ARHGAP21: variants seen among roughly 807,000 people sequenced by gnomAD.
ARHGAP21 encodes the protein Rho GTPase activating protein 21, also known as rho GTPase-activating protein 21.
A neutral mutation model predicts 164.6 loss-of-function variants in ARHGAP21; 38 were observed. That is an observed-to-expected ratio of 0.23 (90% confidence interval 0.18 to 0.30). ARHGAP21 has a LOEUF of 0.30. Among genes scored for constraint, ARHGAP21 ranks in the 10% least tolerant of loss-of-function variants. The pLI, the probability that ARHGAP21 is intolerant of heterozygous loss-of-function variation, is 1.00. For missense variants in ARHGAP21, 1,822 were observed against 2,370.7 expected (o/e 0.77, Z 4.81); for synonymous variants, 766 against 857.9 (o/e 0.89, Z 1.87).
Position 24,597,972 on chromosome 10 carries a change from C to T in ARHGAP21, c.3170G>A (p.Arg1057Lys). ...CATCAGATTGTTGTATTCTTTTATT[C>T]TTCGACTAATTAGATCCCTGTTAGT... ...GVTNRDLISR[R>K]IKEYNNLMSK... Residue 1057 changes from arginine to lysine, a missense_variant, in exon 15 of 26, where the codon AGA becomes AAA. By Grantham distance (26) the Arg-to-Lys change is conservative (BLOSUM62 2). Around this residue, in one of 5 missense-constraint regions of ARHGAP21, gnomAD observed 1,090 missense variants for 1,378.9 expected, o/e 0.79. Coordinates refer to ENST00000396432, the MANE Select transcript of ARHGAP21 (RefSeq NM_020824.4). 2 of 1,613,240 alleles carry T rather than the reference C, an allele frequency of 1.2e-6. No individual in the cohort carries two copies. Among genetic ancestry groups the T allele is most frequent in the Non-Finnish European group, 1.7e-6 (2 of 1,179,572 alleles).
chr10:24,616,362 C>A (rs1833949188), intron 9 of ARHGAP21, among the ~76,000 whole-genome samples: 1 of 152,150 alleles, frequency 6.6e-6, no homozygotes, highest in Non-Finnish European at 1.5e-5. Flanking sequence ...TGGCACTGAG[C>A]CCAGAGCTCC....
intron 2 of ARHGAP21, among the ~76,000 whole-genome samples, chr10:24,714,975 A>G (rs1480015951): frequency 6.6e-6 from 1 of 151,712 alleles, no homozygotes; most frequent in Non-Finnish European, 1.5e-5. Flanking sequence ...GCTTTCAGTG[A>G]GCCAAGATCA....
At chr10:24,680,082 C>T (rs1161019499) in intron 2 of ARHGAP21, among the ~76,000 whole-genome samples, 1 of 151,684 alleles carries the variant, frequency 6.6e-6, no homozygotes, top group Non-Finnish European at 1.5e-5. Flanking sequence ...ATAAGTGAAC[C>T]CTTCACACAT....
chr10:24,672,359 C>T lies in ARHGAP21; in HGVS notation c.64-1962G>A, dbSNP rs141205499. 8.9e-3 allele frequency among the ~76,000 whole-genome samples: 1,356 copies of T among 152,286 alleles called. 16 individuals carry two copies. Among genetic ancestry groups the T allele is most frequent in the African/African-American group, 0.031 (1,270 of 41,554 alleles). On this transcript the variant is annotated intron_variant, in intron 2 of 25. Coordinates refer to ENST00000396432, the MANE Select transcript of ARHGAP21 (RefSeq NM_020824.4). ...TCACACTGATTTTTCTTCCAACTCA[C>T]AGGCGACTTTGTCTCAGGCTCCTTT...
In ARHGAP21 at chr10:24,585,781, G is replaced by A. The variant is rs775462639; in HGVS notation, c.4508C>T (p.Pro1503Leu). ...LGKESTPSEE[P>L]SPPHNSKHNK... is the part of the protein sequence containing the mutation. ...GTGTTTTGAGTTGTGTGGTGGTGAG[G>A]GTTCTTCAGAAGGCGTGCTCTCTTT... Residue 1503 changes from proline (P) to leucine (L), a missense_variant, in exon 26 of 26, where the codon CCC becomes CTC. By Grantham distance (98) the Pro-to-Leu change is moderately conservative. Around this residue, in one of 5 missense-constraint regions of ARHGAP21, gnomAD observed 333 missense variants for 383.9 expected, o/e 0.87. Transcript: ENST00000396432. 7.4e-6 allele frequency: 12 copies of A among 1,613,904 alleles called. No homozygotes were observed. The highest frequency in any genetic ancestry group is 1.0e-5 in the Non-Finnish European group (12 of 1,179,874).
rs756586366 is a variant in ARHGAP21, at chr10:24,584,536, G to C, written c.5753C>G (p.Pro1918Arg). The change falls in exon 26 of 26, where the codon CCT becomes CGT. Residue 1918 changes from proline to arginine, a missense_variant. By Grantham distance (103) the Pro-to-Arg change is moderately radical (BLOSUM62 -2). Around this residue, in one of 5 missense-constraint regions of ARHGAP21, gnomAD observed 165 missense variants for 176.6 expected, o/e 0.93. Coordinates refer to ENST00000396432, the MANE Select transcript of ARHGAP21 (RefSeq NM_020824.4). ...GAAGCTTTCTCCGTTTATTTGGTCAGGTGACTGTGGTGGTATGGAAAGAAG... is the reference window on the plus strand; with the variant it reads ...GAAGCTTTCTCCGTTTATTTGGTCACGTGACTGTGGTGGTATGGAAAGAAG... ...RPLLSIPPQS[P>R]DQINGESFQN... 5 of 1,613,860 alleles carry C rather than the reference G, an allele frequency of 3.1e-6. No individual in the cohort carries two copies. Among genetic ancestry groups the C allele is most frequent in the Non-Finnish European group, 3.4e-6 (4 of 1,179,882 alleles).
chr10:24,664,323 G>A (rs149920374), intron 4 of ARHGAP21, among the ~76,000 whole-genome samples: 2 of 152,054 alleles, frequency 1.3e-5, no homozygotes, highest in African/African-American at 4.8e-5. Flanking sequence ...TTGGGAGGCC[G>A]AGGCAGGCGG....
intron 4 of ARHGAP21, among the ~76,000 whole-genome samples, chr10:24,643,480 T>C (rs57812953): frequency 0.03 from 4,559 of 152,304 alleles, 207 homozygotes; most frequent in African/African-American, 0.097. Context: ...CCCTTTAGCC[T>C]TCTCCATTCT....
At chr10:24,701,300 C>T (rs1015543332) in intron 2 of ARHGAP21, among the ~76,000 whole-genome samples, 1 of 152,060 alleles carries the variant, frequency 6.6e-6, no homozygotes, top group Non-Finnish European at 1.5e-5. Flanking sequence ...TTGTCGTTTC[C>T]AGTTCGAAGG....
In ARHGAP21 at chr10:24,589,284, G is replaced by A. The variant is rs1481888716; in HGVS notation, c.4169C>T (p.Ser1390Leu). Residue 1390 changes from serine (S) to leucine (L), a missense_variant, in exon 25 of 26, where the codon TCA becomes TTA. Ser to Leu is a moderately radical substitution (Grantham distance 145). Coordinates refer to ENST00000396432, the MANE Select transcript of ARHGAP21 (RefSeq NM_020824.4). The stretch of plus-strand genomic sequence containing the variant: ...GAAACAATTTACCTTAGATTTTGTT[G>A]AGTCACTAGTAGCTGAATCTGTGAA... ...GDVSDSATSD[S>L]TKSKGSWGSG... 1 of 1,608,384 alleles carries A rather than the reference G, an allele frequency of 6.2e-7. No individual in the cohort carries two copies. The highest frequency in any genetic ancestry group is 2.2e-5 in the East Asian group (1 of 44,760).
intron 3 of ARHGAP21, among the ~76,000 whole-genome samples, chr10:24,669,747 A>T (rs1450952917): frequency 6.6e-6 from 1 of 152,202 alleles, no homozygotes; most frequent in Admixed American, 6.5e-5. Flanking sequence ...AAGCCTGTCG[A>T]TGTAATTCAT....
In ARHGAP21 at chr10:24,623,572, A is replaced by T. The variant is rs557646880; in HGVS notation, c.496-810T>A. Among the ~76,000 whole-genome samples, 23 of 152,286 alleles carry T rather than the reference A, an allele frequency of 1.5e-4. No homozygotes were observed. In the South Asian group the frequency reaches 1.7e-3, roughly 11 times the overall value. On this transcript the variant is annotated intron_variant, in intron 7 of 25. Coordinates refer to ENST00000396432, the MANE Select transcript of ARHGAP21 (RefSeq NM_020824.4). ...CACCAAGTCTATCTTTTCCATGCTG[A>T]TTAGAATCATACCAATACTTTTCTG... is the stretch of plus-strand genomic sequence containing the variant.
chr10:24,613,854 T>C (rs1049002225), intron 9 of ARHGAP21, among the ~76,000 whole-genome samples: 2 of 152,082 alleles, frequency 1.3e-5, no homozygotes, highest in African/African-American at 4.8e-5. Flanking sequence ...AGTGGAAGGA[T>C]CACTTCTAGA....
intron 2 of ARHGAP21, among the ~76,000 whole-genome samples, chr10:24,693,749 G>A (rs367970564): frequency 1.3e-5 from 2 of 152,110 alleles, no homozygotes; most frequent in East Asian, 1.9e-4. Context: ...TCCTGGCTGC[G>A]TCAAAGCTCA....
chr10:24,666,326 G>T (rs1173982176), intron 4 of ARHGAP21, among the ~76,000 whole-genome samples: 1 of 152,180 alleles, frequency 6.6e-6, no homozygotes, highest in Non-Finnish European at 1.5e-5. Context: ...GACTGCGCCC[G>T]CCCCTGCCAT....
intron 25 of ARHGAP21, among the ~76,000 whole-genome samples, chr10:24,587,008 C>T (rs1021161590): frequency 9.9e-5 from 15 of 152,036 alleles, no homozygotes; most frequent in Admixed American, 7.2e-4. Context: ...CCATTGCACT[C>T]CAGCCTGGGT....
At chr10:24,656,205 A>G (rs1838872791) in intron 4 of ARHGAP21, among the ~76,000 whole-genome samples, 1 of 129,520 alleles carries the variant, frequency 7.7e-6, no homozygotes, top group South Asian at 2.6e-4. Flanking sequence ...CCCATCCGGG[A>G]GGGAGGTGGG....
intron 9 of ARHGAP21, among the ~76,000 whole-genome samples, chr10:24,616,272 A>C (rs893924028): frequency 6.6e-6 from 1 of 152,206 alleles, no homozygotes; most frequent in African/African-American, 2.4e-5. Context: ...CTTTATAAAC[A>C]GACTATTTGC....
intron 2 of ARHGAP21, among the ~76,000 whole-genome samples, chr10:24,704,473 T>TC (rs1844030723): frequency 6.7e-6 from 1 of 149,590 alleles, no homozygotes; most frequent in Non-Finnish European, 1.5e-5. Flanking sequence ...CTATTTTTTT[T>TC]TTTCTTTTTT....
Sources: allele counts gnomAD v4.1 joint callset (sites outside exome capture counted in the v4.1 genomes callset), GRCh38; gene constraint gnomAD v4.1.1; regional missense constraint gnomAD v4.1.1; transcripts MANE v1.5; gene names NCBI Gene and HGNC (gene_info 2026-07-23, HGNC 2026-07-21).